The following TENM3 variants were observed in gnomAD, a reference collection of about 807,000 sequenced individuals.
The protein encoded by TENM3 is teneurin transmembrane protein 3.
TENM3 carries 63 observed loss-of-function variants against 255.1 expected under a neutral mutation model. That is an observed-to-expected ratio of 0.25 (90% CI 0.20 to 0.30). The LOEUF is 0.30. TENM3 is among the 10% of genes least tolerant of loss of function. TENM3 has a pLI of 1.00. For missense variants in TENM3, 2,929 were observed against 3,461.1 expected, an observed-to-expected ratio of 0.85 and a Z score of 3.86; for synonymous variants, 1,306 against 1,322.3, an observed-to-expected ratio of 0.99 and a Z score of 0.27.
At chr4:182,432,691 C>T (rs1166928485) in intron 3 of TENM3, among the ~76,000 whole-genome samples, 3 of 152,298 alleles carry the variant, frequency 2.0e-5, no homozygotes, top group Non-Finnish European at 1.5e-5. Context: ...GAGAAATGTC[C>T]TGGCCAAAGT....
At chr4:182,515,318 G>A (rs1448585724) in intron 3 of TENM3, among the ~76,000 whole-genome samples, 1 of 152,124 alleles carries the variant, frequency 6.6e-6, no homozygotes, top group Non-Finnish European at 1.5e-5. Flanking sequence ...GGTTTGTCAA[G>A]GATGCATGTT....
At chr4:182,403,243 G>A (rs1769325013) in intron 3 of TENM3, among the ~76,000 whole-genome samples, 1 of 152,272 alleles carries the variant, frequency 6.6e-6, no homozygotes, top group East Asian at 1.9e-4. Flanking sequence ...TTTTTACAAA[G>A]GCACGATGAC....
At chr4:181,932,728 A>G in the TENM3 span, among the ~76,000 whole-genome samples, 1 of 152,198 alleles carries the variant, frequency 6.6e-6, no homozygotes, top group Non-Finnish European at 1.5e-5. Context: ...TGTTTATTGC[A>G]GCACTGTTCA....
In TENM3 at chr4:182,161,959, GTATATATATATATATATA is replaced by G. The variant is rs766414090; in HGVS notation, c.-76+17225_-76+17242del. ...CATATATATATTTGTGTGTGTGTGT[GTATATATATATATATATA>G]TATATATATATATATATATGATGCA... On this transcript the variant is annotated intron_variant, in intron 1 of 2. Coordinates refer to the TENM3 transcript ENST00000512480. 8.6e-3 allele frequency among the ~76,000 whole-genome samples: 140 copies of G among 16,282 alleles called. 19 individuals carry two copies. Among genetic ancestry groups the G allele is most frequent in the African/African-American group, 0.021 (119 of 5,648 alleles). 10.7% of individuals were successfully genotyped at this position (16,282 alleles called of 152,430 possible). A position where few individuals can be genotyped will look rare whatever the true frequency, so the allele number is the denominator to read the frequency against.
At chr4:182,370,885 T>TCTTGTCTC in intron 3 of TENM3, among the ~76,000 whole-genome samples, 1 of 152,326 alleles carries the variant, frequency 6.6e-6, no homozygotes, top group Admixed American at 6.5e-5. Context: ...AGACATTAGT[T>TCTTGTCTC]TTATTTTCTG....
chr4:181,761,600 A>G, the TENM3 span, among the ~76,000 whole-genome samples: 1 of 152,372 alleles, frequency 6.6e-6, no homozygotes, highest in African/African-American at 2.4e-5. Flanking sequence ...CTATAATTCT[A>G]ACATCACATC....
chr4:181,601,088 A>C, the TENM3 span, among the ~76,000 whole-genome samples: 1 of 152,172 alleles, frequency 6.6e-6, no homozygotes, highest in African/African-American at 2.4e-5. Flanking sequence ...CTACCGGTGC[A>C]CATCGGCAAG....
intron 1 of TENM3, among the ~76,000 whole-genome samples, chr4:182,181,562 T>A (rs1270194551): frequency 6.6e-6 from 1 of 152,218 alleles, no homozygotes; most frequent in Non-Finnish European, 1.5e-5. Context: ...AATGTAATAT[T>A]CTGGAAGGAA....
intron 1 of TENM3, among the ~76,000 whole-genome samples, chr4:182,163,616 A>G (rs1295935945): frequency 6.6e-6 from 1 of 152,166 alleles, no homozygotes; most frequent in East Asian, 1.9e-4. Context: ...CTTTTAGTTT[A>G]TTAGAATTCA....
At chr4:181,527,959 T>G in the TENM3 span, among the ~76,000 whole-genome samples, 131 of 152,258 alleles carry the variant, frequency 8.6e-4, no homozygotes, top group African/African-American at 3.1e-3. Flanking sequence ...CTCCATTGTA[T>G]GGATGTACCA....
At chr4:181,775,412 T>C in the TENM3 span, among the ~76,000 whole-genome samples, 1 of 152,302 alleles carries the variant, frequency 6.6e-6, no homozygotes. Flanking sequence ...GGATTATGTA[T>C]ATATATGCCC....
intron 6 of TENM3, among the ~76,000 whole-genome samples, chr4:182,669,471 T>C (rs7690632): frequency 0.24 from 36,216 of 151,760 alleles, 4,615 homozygotes; most frequent in Admixed American, 0.39. Flanking sequence ...GGGGTTTCAC[T>C]GTGTTATCCA....
chr4:181,660,631 G>T, the TENM3 span, among the ~76,000 whole-genome samples: 2 of 152,096 alleles, frequency 1.3e-5, no homozygotes, highest in Non-Finnish European at 2.9e-5. Context: ...TTACTATTCT[G>T]GAACTTATTC....
the TENM3 span, among the ~76,000 whole-genome samples, chr4:181,900,399 A>G: frequency 6.6e-6 from 1 of 152,238 alleles, no homozygotes; most frequent in Non-Finnish European, 1.5e-5. Context: ...TATTAAAATA[A>G]TATTAGTTGA....
intron 3 of TENM3, among the ~76,000 whole-genome samples, chr4:182,535,165 A>T (rs1740175663): frequency 1.3e-5 from 2 of 152,180 alleles, no homozygotes; most frequent in Admixed American, 6.5e-5. Context: ...AGATGATTAG[A>T]TCTGCCTCAG....
At chr4:182,069,033 A>T in the TENM3 span, among the ~76,000 whole-genome samples, 1 of 152,188 alleles carries the variant, frequency 6.6e-6, no homozygotes, top group African/African-American at 2.4e-5. Flanking sequence ...AAATGAAATA[A>T]AACACAATAT....
intron 3 of TENM3, among the ~76,000 whole-genome samples, chr4:182,389,775 T>C (rs916548568): frequency 3.4e-5 from 5 of 145,192 alleles, no homozygotes; most frequent in African/African-American, 1.3e-4. Context: ...AAGCTCCGCC[T>C]CCCGGGTTCG....
chr4:182,280,218 C>A (rs1398598263), intron 1 of TENM3, among the ~76,000 whole-genome samples: 1 of 152,194 alleles, frequency 6.6e-6, no homozygotes, highest in Non-Finnish European at 1.5e-5. Context: ...CTGCTTTAGG[C>A]TCTCAGTTTC....
chr4:181,659,216 T>A, the TENM3 span, among the ~76,000 whole-genome samples: 4 of 152,302 alleles, frequency 2.6e-5, no homozygotes, highest in African/African-American at 9.6e-5. Flanking sequence ...TTGTAGCAAA[T>A]CATCTCCCCA....
Sources: gnomAD v4.1 joint callset for allele counts (sites outside exome capture counted in the v4.1 genomes callset) on GRCh38, gnomAD v4.1.1 for gene constraint, MANE v1.5 for transcripts, NCBI Gene and HGNC (gene_info 2026-07-23, HGNC 2026-07-21) for gene names.